FATE1: variants seen among roughly 807,000 people sequenced by gnomAD.
The protein encoded by FATE1 is fetal and adult testis-expressed transcript protein.
Under a neutral mutation model 16.0 loss-of-function variants are expected in FATE1, and 18 were observed. That is an observed-to-expected ratio of 1.12 (90% CI 0.78 to 1.66). The LOEUF is 1.66. FATE1 is among the 40% of genes most tolerant of loss of function. The pLI is 0.00. For synonymous variants in FATE1, 76 were observed against 56.9 expected, an observed-to-expected ratio of 1.34 and a Z score of -1.51; for missense variants, 169 against 152.7, an observed-to-expected ratio of 1.11 and a Z score of -0.56.
intron 2 of FATE1, among the ~76,000 whole-genome samples, chrX:151,718,219 G>A (rs1003813022): frequency 9.3e-6 from 1 of 107,333 alleles, no homozygotes; most frequent in Non-Finnish European, 1.9e-5. Flanking sequence ...AAGAAAGGAA[G>A]AAAGAAAGAA....
chrX:151,722,636 A>G lies in FATE1; in HGVS notation c.429A>G (p.Ala143=). ...CTTTGACTCCTCTGCAGCTGTATGC[A>G]GTCAACCGGCGTCTGCGCGCCCTGG... ...EMEVMRRQLY[A]VNRRLRALEE... is the part of the protein sequence containing the mutation. The change falls in exon 5 of 5, where the codon GCA becomes GCG. Residue 143 remains alanine, a synonymous_variant. Coordinates refer to ENST00000370350, the MANE Select transcript of FATE1 (RefSeq NM_033085.3). 2 of 1,212,162 alleles carry G rather than the reference A, an allele frequency of 1.6e-6. No individual in the cohort carries two copies. The highest frequency in any genetic ancestry group is 2.2e-6 in the Non-Finnish European group (2 of 895,524).
intron 2 of FATE1, among the ~76,000 whole-genome samples, chrX:151,720,379 TTC>T (rs1464001109): frequency 3.6e-5 from 4 of 111,898 alleles, no homozygotes; most frequent in Non-Finnish European, 5.6e-5. Flanking sequence ...TTGTGTTGTC[TTC>T]TGTCTTATGG....
intron 2 of FATE1, among the ~76,000 whole-genome samples, chrX:151,718,114 A>G (rs1288519574): frequency 4.9e-4 from 7 of 14,206 alleles, no homozygotes; most frequent in African/African-American, 3.7e-3. Context: ...GAGAGAGAGG[A>G]AGGAAGGAAG....
chrX:151,720,953 G>A (rs2015110267), intron 2 of FATE1, among the ~76,000 whole-genome samples: 1 of 112,362 alleles, frequency 8.9e-6, no homozygotes, highest in Non-Finnish European at 1.9e-5. Flanking sequence ...GGAGTTGCTG[G>A]TTTCCCAGTA....
chrX:151,720,365 C>T (rs1324325576), intron 2 of FATE1, among the ~76,000 whole-genome samples: 2 of 111,882 alleles, frequency 1.8e-5, no homozygotes, highest in African/African-American at 6.5e-5. Context: ...TTAGCTGATG[C>T]CTCTTGTGTT....
At chrX:151,718,983 C>G (rs2015091183) in intron 2 of FATE1, among the ~76,000 whole-genome samples, 1 of 111,765 alleles carries the variant, frequency 8.9e-6, no homozygotes, top group South Asian at 3.8e-4. Context: ...ATTGAGTTGA[C>G]TTTTTGTGTC....
Position 151,721,991 on chromosome X carries a change from G to A in FATE1, c.420+10G>A. 8.3e-7 allele frequency: 1 copy of A among 1,203,862 alleles called. No homozygotes were observed. The highest frequency in any genetic ancestry group is 1.1e-6 in the Non-Finnish European group (1 of 889,343). On this transcript the variant is annotated intron_variant, in intron 4 of 4. Transcript: ENST00000370350. ...AGTCATGAGAAGACAGGTGAGGAGGGACCCAATCGGTGGGTGCAAGCAGAA... is the reference window on the plus strand; with the variant it reads ...AGTCATGAGAAGACAGGTGAGGAGGAACCCAATCGGTGGGTGCAAGCAGAA...
In FATE1 at chrX:151,721,984, G is replaced by A. The variant is rs1309020447; in HGVS notation, c.420+3G>A. The A allele has an allele frequency of 8.3e-7, 1 of 1,208,450 alleles. No individual in the cohort carries two copies. Among genetic ancestry groups the A allele is most frequent in the Admixed American group, 2.2e-5 (1 of 45,927 alleles). On this transcript the variant is annotated splice_donor_region_variant and intron_variant, in intron 4 of 4. Coordinates refer to ENST00000370350, the MANE Select transcript of FATE1 (RefSeq NM_033085.3). ...AGATGGAAGTCATGAGAAGACAGGT[G>A]AGGAGGGACCCAATCGGTGGGTGCA...
At position 151,721,910 on chromosome X, in the gene FATE1, G is replaced by C. The variant is rs199738504; in HGVS notation, c.349G>C (p.Gly117Arg). 2.8e-5 allele frequency: 34 copies of C among 1,208,856 alleles called. No individual in the cohort carries two copies. In the African/African-American group the frequency reaches 5.3e-4, roughly 19 times the overall value. Residue 117 changes from glycine (G) to arginine (R), a missense_variant, in exon 4 of 5, where the codon GGG becomes CGG. Transcript: ENST00000370350. ...GIRFHYDRNP[G>R]TDAVAQTSLE... ...GTCTTTTTTCTCTCCCAGCAACCCA[G>C]GGACAGATGCAGTGGCGCAGACTAG...
At chrX:151,718,216 GAAGAAAGA>G (rs368403459) in intron 2 of FATE1, among the ~76,000 whole-genome samples, 7 of 102,080 alleles carry the variant, frequency 6.9e-5, no homozygotes, top group Admixed American at 1.1e-4. Flanking sequence ...AGGAAGAAAG[GAAGAAAGA>G]AAGAAAGAAA....
intron 2 of FATE1, among the ~76,000 whole-genome samples, chrX:151,720,795 G>A (rs1395911734): frequency 8.9e-6 from 1 of 112,096 alleles, no homozygotes; most frequent in African/African-American, 3.2e-5. Flanking sequence ...CAAAAGCCAC[G>A]CTCTTTTCCT....
chrX:151,718,100 A>G (rs868725584), intron 2 of FATE1, among the ~76,000 whole-genome samples: 3 of 90,156 alleles, frequency 3.3e-5, no homozygotes, highest in Non-Finnish European at 4.4e-5. Context: ...GAAAGAAAGA[A>G]AGAGAGAGAG....
chrX:151,721,306 C>A, intron 2 of FATE1, 89 bp from the exon 3 acceptor site: 3 of 784,198 alleles, frequency 3.8e-6, no homozygotes, highest in Non-Finnish European at 1.9e-6. Flanking sequence ...TGTGATTCCC[C>A]ATGGGGTGCA....
chrX:151,717,672 T>A (rs951358976), intron 2 of FATE1, among the ~76,000 whole-genome samples: 2 of 112,260 alleles, frequency 1.8e-5, no homozygotes, highest in African/African-American at 3.3e-5. Context: ...ATAAATCTAT[T>A]GTGTGAAATA....
At chrX:151,717,198 T>C (rs749476761) in intron 1 of FATE1, 74 bp from the exon 2 acceptor site, 485 of 1,114,180 alleles carry the variant, frequency 4.4e-4, no homozygotes, top group Non-Finnish European at 5.6e-4. Context: ...GTCTTCTTTT[T>C]GGTGTGTTTT....
rs776057205 is a variant in FATE1, at chrX:151,717,258, GTTC to G, written c.107-9_107-7del. On this transcript the variant is annotated splice_polypyrimidine_tract_variant and intron_variant, in intron 1 of 4. Coordinates refer to ENST00000370350, the MANE Select transcript of FATE1 (RefSeq NM_033085.3). ...TTCTATGGGTGCTCCTGGAGCTTCT[GTTC>G]TTCTCTCTAGAAATGATGGAGCTTG... 36 of 1,199,027 alleles carry G rather than the reference GTTC, an allele frequency of 3.0e-5. No homozygotes were observed. In the African/African-American group the frequency reaches 6.2e-4, roughly 21 times the overall value.
Position 151,721,456 on chromosome X carries a change from A to G in FATE1, c.296A>G (p.Gln99Arg), listed in dbSNP as rs762366091. Reference sequence around the variant, plus strand: ...TCAGGCCATGGGGATGCCCATCTCCAGGAGTACGCTGGCAATTTCCAAGGC... The same window carrying G: ...TCAGGCCATGGGGATGCCCATCTCCGGGAGTACGCTGGCAATTTCCAAGGC... ...RESGHGDAHLQEYAGNFQGIR... is the reference protein window; with the variant it reads ...RESGHGDAHLREYAGNFQGIR... Residue 99 changes from glutamine to arginine, a missense_variant, in exon 3 of 5, where the codon CAG becomes CGG. By Grantham distance (43) the Gln-to-Arg change is conservative. Coordinates refer to ENST00000370350, the MANE Select transcript of FATE1 (RefSeq NM_033085.3). 1 of 1,212,294 alleles carries G rather than the reference A, an allele frequency of 8.2e-7. No individual in the cohort carries two copies. Among genetic ancestry groups the G allele is most frequent in the Admixed American group, 2.2e-5 (1 of 46,147 alleles).
chrX:151,717,356 C>A lies in FATE1; in HGVS notation c.191C>A (p.Ala64Asp), dbSNP rs767549871. ...CAAAAAGCTGCTGGCTCTGCTTCAG[C>A]CAAACGAGTTTGGAATATGACTGCC... ...LEQKAAGSAS[A>D]KRVWNMTATR... Residue 64 changes from alanine (A) to aspartate (D), a missense_variant, in exon 2 of 5, where the codon GCC (alanine) becomes GAC (aspartate). By Grantham distance (126) the Ala-to-Asp change is moderately radical (BLOSUM62 -2). Coordinates refer to ENST00000370350, the MANE Select transcript of FATE1 (RefSeq NM_033085.3). 3 of 1,207,433 alleles carry A rather than the reference C, an allele frequency of 2.5e-6. No individual in the cohort carries two copies. Among genetic ancestry groups the A allele is most frequent in the Non-Finnish European group, 3.4e-6 (3 of 892,963 alleles).
rs1220989124 is a variant in FATE1, at chrX:151,721,930, G to C, written c.369G>C (p.Gln123His). 8.3e-7 allele frequency: 1 copy of C among 1,209,079 alleles called. No individual in the cohort carries two copies. Among genetic ancestry groups the C allele is most frequent in the African/African-American group, 1.8e-5 (1 of 56,808 alleles). ...ACCCAGGGACAGATGCAGTGGCGCAGACTAGCCTGGAAGAGTTCAATGTAC... is the reference window on the plus strand; with the variant it reads ...ACCCAGGGACAGATGCAGTGGCGCACACTAGCCTGGAAGAGTTCAATGTAC... ...DRNPGTDAVA[Q>H]TSLEEFNVLE... is the part of the protein sequence containing the mutation. Residue 123 changes from glutamine (Q) to histidine (H), a missense_variant, in exon 4 of 5, where the codon CAG (glutamine) becomes CAC (histidine). Physicochemically the swap from Gln to His is conservative, Grantham distance 24. Transcript: ENST00000370350.
Sources: allele counts gnomAD v4.1 joint callset (sites outside exome capture counted in the v4.1 genomes callset), GRCh38; gene constraint gnomAD v4.1.1; transcripts MANE v1.5; gene names NCBI Gene and HGNC (gene_info 2026-07-23, HGNC 2026-07-21).